Variants in GRK3 observed in about 807,000 individuals in gnomAD.
GRK3 encodes G protein-coupled receptor kinase 3.
In GRK3, 54 loss-of-function variants were observed where a neutral mutation model predicts 95.7. The observed-to-expected ratio is 0.56, with a 90% CI of 0.45 to 0.71. The LOEUF (loss-of-function observed/expected upper bound fraction) is 0.71. GRK3 is among the 30% of genes least tolerant of loss of function. The probability of loss-of-function intolerance (pLI) is 0.00; values close to 1 mark genes in which losing one functional copy is unlikely to be tolerated. For synonymous variants in GRK3, 281 were observed against 290.8 expected, an observed-to-expected ratio of 0.97 and a Z score of 0.34; for missense variants, 649 against 851.2, an observed-to-expected ratio of 0.76 and a Z score of 2.96.
chr22:25,674,587 A>C, intron 8 of GRK3, 59 bp downstream of exon 8: 4 of 1,236,990 alleles, frequency 3.2e-6, no homozygotes, highest in Non-Finnish European at 3.5e-6. Context: ...TATTTGCATG[A>C]AAAGAAAATT....
rs1305370834 is a variant in GRK3 at position 25,648,630 on chromosome 22, C to G, written c.264+3965C>G. Reference sequence around the variant, plus strand: ...ACTATATGCTGTTGTTTCTGAAGAGCCAATTTACATTGTCACTGAATTGAT... The same window carrying G: ...ACTATATGCTGTTGTTTCTGAAGAGGCAATTTACATTGTCACTGAATTGAT... On this transcript the variant is annotated intron_variant, in intron 3 of 20. Transcript: ENST00000324198. 3.8e-6 allele frequency: 4 copies of G among 1,053,444 alleles called. No homozygotes were observed. The African/African-American group carries it at 6.3e-5, about 17-fold the overall frequency. The allele number at this position is 1,053,444 out of a possible 1,614,324, so 65.3% of individuals were successfully genotyped here.
At chr22:25,635,353 T>C (rs2084692347) in intron 2 of GRK3, among the ~76,000 whole-genome samples, 1 of 152,238 alleles carries the variant, frequency 6.6e-6, no homozygotes, top group Non-Finnish European at 1.5e-5. Context: ...AACAAGGTTA[T>C]TCTTTTAGAG....
At position 25,644,616 on chromosome 22, in the gene GRK3, GT is replaced by G; in HGVS notation, c.218del (p.Leu73Ter). The G allele has an allele frequency of 6.4e-7, 1 of 1,571,726 alleles. No individual in the cohort carries two copies. Among genetic ancestry groups the G allele is most frequent in the Non-Finnish European group, 8.7e-7 (1 of 1,148,312 alleles). On this transcript the variant is annotated frameshift_variant, in exon 3 of 21. Transcript: ENST00000324198. LOFTEE classifies it high-confidence loss of function. Reference sequence around the variant, plus strand: ...GGTTTCTTGCTATTTAAAGATTTTTGTTTGAATGAAATTAATGAAGCTGTAC... The same window carrying G: ...GGTTTCTTGCTATTTAAAGATTTTTGTTGAATGAAATTAATGAAGCTGTAC... ...KIGFLLFKDF[C>X]LNEINEAVPQ... is the part of the protein sequence containing the mutation.
intron 15 of GRK3, among the ~76,000 whole-genome samples, chr22:25,709,282 C>T (rs2085325178): frequency 6.6e-6 from 1 of 151,922 alleles, no homozygotes; most frequent in African/African-American, 2.4e-5. Context: ...CGTGATCTGC[C>T]CGCCTCAGCC....
chr22:25,706,235 C>T lies in GRK3; in HGVS notation c.1328+2026C>T, dbSNP rs574890983. The stretch of plus-strand genomic sequence containing the variant: ...AAGTAGAACCTTTCAGGGGTTTTAC[C>T]CCATGTTAAACACCTTGCTGCAGGT... On this transcript the variant is annotated intron_variant, in intron 15 of 20. Coordinates refer to ENST00000324198, the MANE Select transcript of GRK3 (RefSeq NM_005160.4). 6.2e-4 allele frequency among the ~76,000 whole-genome samples: 94 copies of T among 152,186 alleles called. 1 individual carries two copies. The Middle Eastern group carries it at 0.01, about 17-fold the overall frequency.
intron 2 of GRK3, among the ~76,000 whole-genome samples, chr22:25,611,253 G>A (rs2084495253): frequency 6.6e-6 from 1 of 152,076 alleles, no homozygotes; most frequent in African/African-American, 2.4e-5. Flanking sequence ...GCCACTTTTT[G>A]CTTGTTTATA....
chr22:25,616,301 G>A (rs2084537871), intron 2 of GRK3, among the ~76,000 whole-genome samples: 1 of 152,082 alleles, frequency 6.6e-6, no homozygotes, highest in African/African-American at 2.4e-5. Flanking sequence ...AAGCATGACT[G>A]GGAGGCCTCA....
chr22:25,660,609 A>C (rs1023851927), intron 3 of GRK3, among the ~76,000 whole-genome samples: 6 of 152,262 alleles, frequency 3.9e-5, no homozygotes, highest in Middle Eastern at 3.4e-3. Flanking sequence ...TCTAATAAAT[A>C]GGATTTGCTG....
chr22:25,701,633 G>A (rs756126836), intron 13 of GRK3, among the ~76,000 whole-genome samples: 1 of 152,208 alleles, frequency 6.6e-6, no homozygotes, highest in Non-Finnish European at 1.5e-5. Flanking sequence ...AGCACAGAGC[G>A]CTTGTGTCAG....
At chr22:25,639,806 G>A (rs2084729883) in intron 2 of GRK3, among the ~76,000 whole-genome samples, 1 of 152,086 alleles carries the variant, frequency 6.6e-6, no homozygotes, top group Admixed American at 6.5e-5. Context: ...AACTGAGTAT[G>A]TATTTCCATT....
At chr22:25,652,459 A>T (rs1239971865) in intron 3 of GRK3, among the ~76,000 whole-genome samples, 1 of 152,198 alleles carries the variant, frequency 6.6e-6, no homozygotes, top group Non-Finnish European at 1.5e-5. Context: ...TGTTGACTGT[A>T]TAAAACAATA....
In GRK3 at chr22:25,644,468, T is replaced by C. The variant is rs556933300; in HGVS notation, c.191-124T>C. On this transcript the variant is annotated intron_variant, in intron 2 of 20. Transcript: ENST00000324198. The stretch of plus-strand genomic sequence containing the variant: ...TAATTCACTAGCTTCTTGAAATCTT[T>C]TTTTTAAAAAAAAAAGTAGAGGAGG... 1.2e-4 allele frequency: 55 copies of C among 472,812 alleles called. No individual in the cohort carries two copies. In the East Asian group the frequency reaches 1.7e-3, roughly 15 times the overall value. The allele number at this position is 472,812 out of a possible 1,614,324, so 29.3% of individuals were successfully genotyped here. A position where few individuals can be genotyped will look rare whatever the true frequency, so the allele number is the denominator to read the frequency against.
At chr22:25,574,217 G>A (rs1477371888) in intron 1 of GRK3, among the ~76,000 whole-genome samples, 2 of 152,132 alleles carry the variant, frequency 1.3e-5, no homozygotes, top group African/African-American at 4.8e-5. Flanking sequence ...AATGAGGCCA[G>A]GTGTGGTGGC....
intron 3 of GRK3, among the ~76,000 whole-genome samples, chr22:25,652,851 C>G (rs889523098): frequency 1.3e-5 from 2 of 151,828 alleles, no homozygotes; most frequent in Non-Finnish European, 2.9e-5. Context: ...ATATACTTAC[C>G]ATTGTGTTAC....
intron 3 of GRK3, chr22:25,648,575 GA>G: frequency 1.5e-6 from 2 of 1,350,066 alleles, no homozygotes; most frequent in Non-Finnish European, 2.1e-6. Flanking sequence ...CTCAGGTAAT[GA>G]AAAAAATAAG....
chr22:25,578,225 A>C (rs1169956678), intron 1 of GRK3, among the ~76,000 whole-genome samples: 1 of 152,078 alleles, frequency 6.6e-6, no homozygotes, highest in Non-Finnish European at 1.5e-5. Context: ...TAGGCACCTC[A>C]TACACCTGCG....
At chr22:25,592,587 CTTTTATAGT>C in intron 1 of GRK3, among the ~76,000 whole-genome samples, 1 of 152,024 alleles carries the variant, frequency 6.6e-6, no homozygotes, top group East Asian at 1.9e-4. Flanking sequence ...TCTTTGAGAA[CTTTTATAGT>C]TTTAGGCTTT....
chr22:25,685,820 G>C (rs565421165), intron 10 of GRK3, among the ~76,000 whole-genome samples: 1 of 150,998 alleles, frequency 6.6e-6, no homozygotes, highest in South Asian at 2.1e-4. Context: ...AGTATTTTTA[G>C]TAACAAGAAC....
At position 25,714,558 on chromosome 22, in the gene GRK3, G is replaced by A; in HGVS notation, c.1642G>A (p.Gly548Ser). ...GAAGAGAGCTAAAAATAAGCAACTT[G>A]GCCACGAAGAAGGTAAAATAGCTCA... ...ARKRAKNKQL[G>S]HEEDYALGKD... Residue 548 changes from glycine (G) to serine (S), a missense_variant, in exon 18 of 21, where the codon GGC becomes AGC. Gly to Ser is a moderately conservative substitution (Grantham distance 56). Around this residue, in one of 3 missense-constraint regions of GRK3, gnomAD observed 382 missense variants for 493.8 expected, o/e 0.77. Transcript: ENST00000324198. 4 of 1,596,668 alleles carry A rather than the reference G, an allele frequency of 2.5e-6. No individual in the cohort carries two copies. Among genetic ancestry groups the A allele is most frequent in the Non-Finnish European group, 3.4e-6 (4 of 1,174,452 alleles).
Sources: allele counts gnomAD v4.1 joint callset (sites outside exome capture counted in the v4.1 genomes callset), GRCh38; gene constraint gnomAD v4.1.1; regional missense constraint gnomAD v4.1.1; transcripts MANE v1.5; gene names NCBI Gene and HGNC (gene_info 2026-07-23, HGNC 2026-07-21).